Variants in CCDC30 observed in about 807,000 individuals in gnomAD.
The protein encoded by CCDC30 is coiled-coil domain-containing protein 30.
In CCDC30, 70 loss-of-function variants were observed where a neutral mutation model predicts 100.2. The observed-to-expected ratio is 0.70, with a 90% CI of 0.58 to 0.85. The LOEUF (loss-of-function observed/expected upper bound fraction) is 0.85, where lower values mean the gene tolerates loss of function less well. Among genes scored for constraint, CCDC30 ranks in the 40% least tolerant of loss-of-function variants. The pLI is 0.00. For missense variants in CCDC30, 652 were observed against 771.2 expected (o/e 0.85, Z 1.83); for synonymous variants, 233 against 269.5 (o/e 0.86, Z 1.33).
intron 6 of CCDC30, among the ~76,000 whole-genome samples, chr1:42,513,012 A>T (rs1203517079): frequency 1.3e-5 from 2 of 152,202 alleles, no homozygotes; most frequent in African/African-American, 4.8e-5. Context: ...ATTAAAGGAC[A>T]GATTTGAGAT....
intron 1 of CCDC30, among the ~76,000 whole-genome samples, chr1:42,467,183 G>A (rs948686876): frequency 6.6e-6 from 1 of 152,174 alleles, no homozygotes; most frequent in Non-Finnish European, 1.5e-5. Context: ...AGAATATCTG[G>A]TCCCAAGCTA....
At chr1:42,644,412 G>C (rs926197955) in intron 13 of CCDC30, among the ~76,000 whole-genome samples, 59 of 152,128 alleles carry the variant, frequency 3.9e-4, no homozygotes, top group African/African-American at 1.3e-3. Flanking sequence ...GAGGGGATCT[G>C]CCTTCCCCAG....
intron 8 of CCDC30, among the ~76,000 whole-genome samples, chr1:42,578,654 A>G (rs1169369965): frequency 6.6e-6 from 1 of 152,224 alleles, no homozygotes; most frequent in African/African-American, 2.4e-5. Context: ...CACTTGGAAG[A>G]GTTAACTAGT....
chr1:42,542,926 C>G (rs1645045086), intron 6 of CCDC30: 1 of 153,722 alleles, frequency 6.5e-6, no homozygotes, highest in African/African-American at 2.4e-5. Context: ...AAGTGACTAA[C>G]ATTTATTATC....
chr1:42,503,385 A>G (rs1436048698), intron 6 of CCDC30, among the ~76,000 whole-genome samples: 2 of 152,236 alleles, frequency 1.3e-5, no homozygotes, highest in Non-Finnish European at 2.9e-5. Context: ...AGCAGACTGC[A>G]TCAGATTTTA....
chr1:42,457,006 A>AGAGTTCG, the CCDC30 span: 1 of 1,602,144 alleles, frequency 6.2e-7, no homozygotes, highest in Non-Finnish European at 8.5e-7. Flanking sequence ...TCCTGGCAGT[A>AGAGTTCG]GAGTTCACCA....
chr1:42,457,006 A>G, the CCDC30 span: 15 of 1,602,026 alleles, frequency 9.4e-6, no homozygotes, highest in Non-Finnish European at 1.3e-5. Flanking sequence ...TCCTGGCAGT[A>G]GAGTTCACCA....
chr1:42,550,540 G>T (rs979004937), intron 6 of CCDC30, among the ~76,000 whole-genome samples: 2 of 152,106 alleles, frequency 1.3e-5, no homozygotes, highest in African/African-American at 4.8e-5. Flanking sequence ...CCTGCTTCAG[G>T]ACCTTTGCAC....
At chr1:42,650,251 G>A (rs907566506) in intron 15 of CCDC30, among the ~76,000 whole-genome samples, 2 of 151,884 alleles carry the variant, frequency 1.3e-5, no homozygotes, top group Non-Finnish European at 2.9e-5. Flanking sequence ...GGGAGGCTGA[G>A]GGGGGCAGAT....
intron 6 of CCDC30, 29 bp from the exon 10 acceptor site, chr1:42,556,127 A>G: frequency 6.3e-7 from 1 of 1,586,876 alleles, no homozygotes; most frequent in African/African-American, 1.4e-5. Flanking sequence ...AAGCATTTTG[A>G]TAGATTTTAT....
intron 9 of CCDC30, among the ~76,000 whole-genome samples, chr1:42,588,493 T>TAG (rs924600312): frequency 3.0e-4 from 46 of 152,248 alleles, no homozygotes; most frequent in African/African-American, 9.4e-4. Context: ...ATGAGGAATG[T>TAG]AGAGAATTCC....
intron 7 of CCDC30, among the ~76,000 whole-genome samples, chr1:42,576,284 G>A (rs1645835906): frequency 6.6e-6 from 1 of 152,176 alleles, no homozygotes; most frequent in Non-Finnish European, 1.5e-5. Context: ...GACACAAATG[G>A]ATTAATGCAA....
chr1:42,611,702 G>T (rs569182637), intron 11 of CCDC30, among the ~76,000 whole-genome samples: 1 of 151,804 alleles, frequency 6.6e-6, no homozygotes, highest in African/African-American at 2.4e-5. Flanking sequence ...TTTCAGATAG[G>T]ATCTCACTCT....
intron 7 of CCDC30, 87 bp from the exon 12 acceptor site, chr1:42,576,933 G>A (rs1645849739): frequency 1.0e-6 from 1 of 956,588 alleles, no homozygotes. Context: ...GGCTTTTAGG[G>A]GACTATACTC....
exon 2 of CCDC30, chr1:42,480,508 C>G (rs761041061): frequency 6.1e-6 from 3 of 489,336 alleles, no homozygotes; most frequent in Non-Finnish European, 8.0e-6. Context: ...ACTGCAGCCT[C>G]AACCTCCTGG....
chr1:42,573,083 C>T (rs1234119019), intron 7 of CCDC30, among the ~76,000 whole-genome samples: 4 of 152,152 alleles, frequency 2.6e-5, no homozygotes, highest in African/African-American at 9.7e-5. Context: ...CTGGGCTATT[C>T]CTGGCCTTTG....
intron 6 of CCDC30, among the ~76,000 whole-genome samples, chr1:42,528,630 C>A (rs1407705209): frequency 1.3e-5 from 2 of 152,174 alleles, no homozygotes; most frequent in African/African-American, 4.8e-5. Flanking sequence ...ACATTGATAA[C>A]CTGTAGAGGA....
chr1:42,557,927 A>G (rs1322482003), intron 6 of CCDC30, among the ~76,000 whole-genome samples: 1 of 151,990 alleles, frequency 6.6e-6, no homozygotes, highest in African/African-American at 2.4e-5. Context: ...AGATCTGTTG[A>G]CTGAGAAAAA....
chr1:42,525,824 G>A (rs1026718617), intron 6 of CCDC30, among the ~76,000 whole-genome samples: 1 of 152,026 alleles, frequency 6.6e-6, no homozygotes, highest in African/African-American at 2.4e-5. Flanking sequence ...TGTGACCCTG[G>A]GTGTTCAATA....
Sources: allele counts gnomAD v4.1 joint callset (sites outside exome capture counted in the v4.1 genomes callset), GRCh38; gene constraint gnomAD v4.1.1; transcripts MANE v1.5; gene names NCBI Gene and HGNC (gene_info 2026-07-23, HGNC 2026-07-21).